RMDN2: variants seen among roughly 807,000 people sequenced by gnomAD.
RMDN2 encodes regulator of microtubule dynamics protein 2.
A neutral mutation model predicts 52.8 loss-of-function variants in RMDN2; 61 were observed. The observed-to-expected ratio is 1.16, with a 90% CI of 0.94 to 1.43. The LOEUF (loss-of-function observed/expected upper bound fraction) is 1.43, where lower values mean the gene tolerates loss of function less well. RMDN2 is among the 40% of genes most tolerant of loss of function. RMDN2 has a pLI of 0.00. For synonymous variants in RMDN2, 180 were observed against 153.1 expected (o/e 1.18, Z -1.30); for missense variants, 592 against 475.3 (o/e 1.25, Z -2.28).
At chr2:38,064,351 A>G (rs1032815462) in intron 10 of RMDN2, among the ~76,000 whole-genome samples, 5 of 152,042 alleles carry the variant, frequency 3.3e-5, no homozygotes, top group Non-Finnish European at 5.9e-5. Flanking sequence ...TTAGCCAGAC[A>G]TGGTGGTGTA....
intron 10 of RMDN2, among the ~76,000 whole-genome samples, chr2:38,014,686 A>C (rs1214973897): frequency 1.3e-5 from 2 of 152,246 alleles, no homozygotes; most frequent in African/African-American, 4.8e-5. Context: ...CAACACTATC[A>C]GATGAAATAA....
chr2:37,932,738 G>A (rs1284417955), intron 2 of RMDN2, among the ~76,000 whole-genome samples: 8 of 142,054 alleles, frequency 5.6e-5, no homozygotes, highest in Non-Finnish European at 9.3e-5. Context: ...GGGCAGAGGG[G>A]CTCCTCACTT....
At chr2:37,948,186 G>A (rs766006616) in intron 2 of RMDN2, among the ~76,000 whole-genome samples, 3 of 152,180 alleles carry the variant, frequency 2.0e-5, no homozygotes, top group Non-Finnish European at 4.4e-5. Flanking sequence ...CGGACCTAGC[G>A]AATCAGAATG....
At chr2:38,047,022 TG>T (rs1681316898) in intron 10 of RMDN2, among the ~76,000 whole-genome samples, 1 of 147,314 alleles carries the variant, frequency 6.8e-6, no homozygotes, top group Non-Finnish European at 1.5e-5. Context: ...CAGAAGAAAA[TG>T]GGAAGAAATA....
At chr2:38,039,552 A>AT (rs1034338217) in intron 10 of RMDN2, among the ~76,000 whole-genome samples, 1 of 152,098 alleles carries the variant, frequency 6.6e-6, no homozygotes, top group Non-Finnish European at 1.5e-5. Flanking sequence ...TGATTTTGTC[A>AT]TTTTTTCTGC....
intron 10 of RMDN2, among the ~76,000 whole-genome samples, chr2:38,011,265 GC>G (rs1259440371): frequency 6.6e-6 from 1 of 152,154 alleles, no homozygotes; most frequent in Non-Finnish European, 1.5e-5. Context: ...ATAAACTATT[GC>G]CCTGTCTCTT....
At chr2:37,979,197 T>C (rs1343859087) in intron 4 of RMDN2, among the ~76,000 whole-genome samples, 2 of 152,190 alleles carry the variant, frequency 1.3e-5, no homozygotes, top group African/African-American at 2.4e-5. Flanking sequence ...AAAATTATTT[T>C]GTCAAGGAAC....
chr2:37,970,293 T>C (rs1024576488), intron 2 of RMDN2, among the ~76,000 whole-genome samples: 2 of 152,274 alleles, frequency 1.3e-5, no homozygotes, highest in South Asian at 2.1e-4. Flanking sequence ...AAAAAAAATT[T>C]TTTTGGTAAT....
chr2:37,970,318 G>T (rs556582778), intron 2 of RMDN2, among the ~76,000 whole-genome samples: 1 of 152,160 alleles, frequency 6.6e-6, no homozygotes, highest in Non-Finnish European at 1.5e-5. Flanking sequence ...GAATTGATCA[G>T]ATAGGTCTCA....
chr2:38,043,328 T>A (rs998955126), intron 10 of RMDN2, among the ~76,000 whole-genome samples: 1 of 152,198 alleles, frequency 6.6e-6, no homozygotes, highest in African/African-American at 2.4e-5. Flanking sequence ...CTTTTTTAAA[T>A]TAGTGTTAGC....
chr2:37,925,291 G>C lies in RMDN2; in HGVS notation c.-151G>C, dbSNP rs547150109. On this transcript the variant is annotated 5_prime_UTR_variant, in exon 1 of 11. Transcript: ENST00000354545. ...TCCTCCCCCGGCGCCTCCGCTATCT[G>C]GGTCAGGACGCGACGGCCGCGGCGC... 1.3e-5 allele frequency: 2 copies of C among 152,386 alleles called. No homozygotes were observed. The highest frequency in any genetic ancestry group is 3.9e-4 in the East Asian group (2 of 5,168). The allele number at this position is 152,386 out of a possible 1,614,324, so 9.4% of individuals were successfully genotyped here.
rs140036263 is a variant in RMDN2 at position 38,042,403 on chromosome 2, C to CCACACA, written c.1714-24563_1714-24558dup. Among the ~76,000 whole-genome samples, 14 of 94,234 alleles carry CCACACA rather than the reference C, an allele frequency of 1.5e-4. No homozygotes were observed. In the East Asian group the frequency reaches 0.011, roughly 72 times the overall value. 61.8% of individuals were successfully genotyped at this position (94,234 alleles called of 152,430 possible). Reference sequence around the variant, plus strand: ...TGATCTTTTCCAAAACCTCCCCCCGCCACACACACACACACACACACCACA... The same window carrying CCACACA: ...TGATCTTTTCCAAAACCTCCCCCCGCCACACACACACACACACACACACACACCACA... On this transcript the variant is annotated intron_variant, in intron 10 of 10. Transcript: ENST00000234195.
chr2:37,928,001 A>G (rs1284322938), intron 1 of RMDN2, among the ~76,000 whole-genome samples: 1 of 152,198 alleles, frequency 6.6e-6, no homozygotes, highest in East Asian at 1.9e-4. Context: ...AATTTCTGTG[A>G]GGTAAAGCAG....
At chr2:37,957,119 G>T (rs780593457) in intron 2 of RMDN2, among the ~76,000 whole-genome samples, 20 of 152,172 alleles carry the variant, frequency 1.3e-4, no homozygotes, top group African/African-American at 4.8e-4. Flanking sequence ...TAAACATACA[G>T]GTGTATGTTA....
intron 10 of RMDN2, chr2:38,012,461 T>C (rs1289589013): frequency 5.2e-6 from 2 of 381,136 alleles, no homozygotes; most frequent in African/African-American, 4.3e-5. Flanking sequence ...GGCATTAATA[T>C]CGTACAAATA....
chr2:38,040,602 T>C (rs1165544220), intron 10 of RMDN2, among the ~76,000 whole-genome samples: 2 of 152,216 alleles, frequency 1.3e-5, no homozygotes, highest in African/African-American at 4.8e-5. Flanking sequence ...ATTACGAGTC[T>C]AAGGTATTTT....
At chr2:38,060,583 T>C (rs1299022994) in intron 10 of RMDN2, among the ~76,000 whole-genome samples, 4 of 152,288 alleles carry the variant, frequency 2.6e-5, no homozygotes, top group African/African-American at 7.2e-5. Context: ...GCCTTCTGAA[T>C]GTGAGCAGGG....
At chr2:37,973,392 T>C (rs959056641) in intron 2 of RMDN2, among the ~76,000 whole-genome samples, 3 of 152,346 alleles carry the variant, frequency 2.0e-5, no homozygotes, top group South Asian at 4.1e-4. Context: ...TTCCTACAAC[T>C]GTATCATCCA....
chr2:38,056,720 A>G (rs1681866914), intron 10 of RMDN2, among the ~76,000 whole-genome samples: 1 of 152,212 alleles, frequency 6.6e-6, no homozygotes, highest in Admixed American at 6.5e-5. Flanking sequence ...AAGAATTGTG[A>G]AATTATGACA....
Sources: gnomAD v4.1 joint callset for allele counts (sites outside exome capture counted in the v4.1 genomes callset) on GRCh38, gnomAD v4.1.1 for gene constraint, MANE v1.5 for transcripts, NCBI Gene and HGNC (gene_info 2026-07-23, HGNC 2026-07-21) for gene names.